Variants in MICU3 observed in about 807,000 individuals in gnomAD.
MICU3 encodes mitochondrial calcium uptake 3, also known as calcium uptake protein 3, mitochondrial.
A neutral mutation model predicts 66.5 loss-of-function variants in MICU3; 62 were observed. The observed-to-expected ratio is 0.93, with a 90% CI of 0.76 to 1.15. The LOEUF (loss-of-function observed/expected upper bound fraction) is 1.15. Ranked by LOEUF, MICU3 falls within the 50% of genes most tolerant of loss-of-function variation. The pLI, the probability that MICU3 is intolerant of heterozygous loss-of-function variation, is 0.00. For missense variants in MICU3, 779 were observed against 664.4 expected (o/e 1.17, Z -1.90); for synonymous variants, 308 against 240.7 (o/e 1.28, Z -2.59).
intron 1 of MICU3, among the ~76,000 whole-genome samples, chr8:17,033,996 G>A (rs543400497): frequency 1.4e-4 from 22 of 152,158 alleles, no homozygotes; most frequent in African/African-American, 4.3e-4. Flanking sequence ...AAAGGCTGCC[G>A]TCTAGGACTT....
intron 5 of MICU3, 135 bp downstream of exon 5, chr8:17,081,875 A>G (rs753070929): frequency 3.5e-6 from 2 of 568,506 alleles, no homozygotes; most frequent in South Asian, 3.4e-5. Context: ...TTAATGCTAC[A>G]GAAAAATGCT....
chr8:17,128,037 T>C, the MICU3 span, among the ~76,000 whole-genome samples: 4 of 152,006 alleles, frequency 2.6e-5, no homozygotes, highest in East Asian at 7.7e-4. Context: ...AGTTCACAGA[T>C]GGTTGGAACT....
chr8:17,105,390 T>C lies in MICU3; in HGVS notation c.1086-23T>C, dbSNP rs751309665. ...ATTACTCTTTCTTTATCTTTTTCCT[T>C]CTTTATTACATTTTTGTCATAGATT... On this transcript the variant is annotated intron_variant, in intron 10 of 14. Coordinates refer to ENST00000318063, the MANE Select transcript of MICU3 (RefSeq NM_181723.3). The C allele has an allele frequency of 2.8e-6, 4 of 1,409,622 alleles. No homozygotes were observed. The African/African-American group carries it at 4.4e-5, about 16-fold the overall frequency. 87.3% of individuals were successfully genotyped at this position (1,409,622 alleles called of 1,614,324 possible).
Position 17,090,535 on chromosome 8 carries a change from C to G in MICU3, c.850-11C>G, listed in dbSNP as rs758340492. Reference sequence around the variant, plus strand: ...ATGACACTTCATTTGGCCCTTTGTGCTCTATGTCAGCGTCTTCAACTTTAT... The same window carrying G: ...ATGACACTTCATTTGGCCCTTTGTGGTCTATGTCAGCGTCTTCAACTTTAT... On this transcript the variant is annotated splice_polypyrimidine_tract_variant and intron_variant, in intron 7 of 14. Coordinates refer to ENST00000318063, the MANE Select transcript of MICU3 (RefSeq NM_181723.3). 6.2e-7 allele frequency: 1 copy of G among 1,609,830 alleles called. No individual in the cohort carries two copies. The highest frequency in any genetic ancestry group is 1.7e-5 in the Admixed American group (1 of 59,502).
the MICU3 span, among the ~76,000 whole-genome samples, chr8:17,138,061 G>A: frequency 0.66 from 99,752 of 151,732 alleles, 33,440 homozygotes; most frequent in East Asian, 0.93. Context: ...GATTTTCTCA[G>A]AATTATAATG....
intron 1 of MICU3, among the ~76,000 whole-genome samples, chr8:17,055,676 CAG>C (rs1166446156): frequency 6.6e-6 from 1 of 152,196 alleles, no homozygotes; most frequent in African/African-American, 2.4e-5. Context: ...TTGATAATGA[CAG>C]AGTCATCATC....
chr8:17,101,785 AG>A (rs1311091692), intron 9 of MICU3, among the ~76,000 whole-genome samples: 2 of 152,030 alleles, frequency 1.3e-5, no homozygotes, highest in African/African-American at 4.8e-5. Flanking sequence ...ACAGCAAAAA[AG>A]AAGTAAGAGT....
intron 7 of MICU3, among the ~76,000 whole-genome samples, chr8:17,089,388 T>G (rs144160950): frequency 6.6e-6 from 1 of 152,184 alleles, no homozygotes; most frequent in Non-Finnish European, 1.5e-5. Context: ...TTATATTACT[T>G]TAGTTATCAA....
At chr8:17,044,584 A>G (rs570316855) in intron 1 of MICU3, among the ~76,000 whole-genome samples, 4 of 152,346 alleles carry the variant, frequency 2.6e-5, no homozygotes, top group African/African-American at 9.6e-5. Context: ...GATTCACAGT[A>G]CTACATCCTA....
At chr8:17,064,976 G>C (rs571527376) in intron 2 of MICU3, among the ~76,000 whole-genome samples, 1 of 152,188 alleles carries the variant, frequency 6.6e-6, no homozygotes, top group East Asian at 1.9e-4. Flanking sequence ...AGGATTTCTG[G>C]CTGGCTTACC....
intron 5 of MICU3, among the ~76,000 whole-genome samples, chr8:17,084,686 C>T (rs751734136): frequency 2.0e-5 from 3 of 152,058 alleles, no homozygotes; most frequent in African/African-American, 4.8e-5. Context: ...ATGTGAAAGT[C>T]TTTTTCAGAA....
intron 1 of MICU3, among the ~76,000 whole-genome samples, chr8:17,049,877 A>G (rs944381541): frequency 6.6e-6 from 1 of 152,210 alleles, no homozygotes; most frequent in Non-Finnish European, 1.5e-5. Context: ...ATATATTCCT[A>G]TAAGACATGA....
chr8:17,055,616 A>G (rs1268247948), intron 1 of MICU3, among the ~76,000 whole-genome samples: 1 of 152,168 alleles, frequency 6.6e-6, no homozygotes, highest in Non-Finnish European at 1.5e-5. Context: ...CCTGGCCTAT[A>G]AAAGCTTCTC....
At chr8:17,104,316 C>A in intron 9 of MICU3, 75 bp from the exon 10 acceptor site, 2 of 635,114 alleles carry the variant, frequency 3.1e-6, no homozygotes, top group East Asian at 3.0e-5. Context: ...TAACAGAATT[C>A]TTTGAGAAAT....
intron 7 of MICU3, among the ~76,000 whole-genome samples, chr8:17,090,203 C>T (rs1319129388): frequency 2.0e-5 from 3 of 152,068 alleles, no homozygotes; most frequent in African/African-American, 7.2e-5. Flanking sequence ...ATCTGGATTT[C>T]CCCCTATGCC....
chr8:17,047,595 A>G (rs1815307610), intron 1 of MICU3, among the ~76,000 whole-genome samples: 1 of 152,264 alleles, frequency 6.6e-6, no homozygotes, highest in South Asian at 2.1e-4. Context: ...CAGACTTCCT[A>G]CAAAGGGACT....
chr8:17,094,402 A>G (rs189798765), intron 8 of MICU3, among the ~76,000 whole-genome samples: 378 of 152,118 alleles, frequency 2.5e-3, no homozygotes, highest in African/African-American at 8.7e-3. Flanking sequence ...CTGTTTTAAA[A>G]CAATAATTTA....
rs764592456 is a variant in MICU3 at position 17,105,375 on chromosome 8, C to G, written c.1086-38C>G. 4 of 1,288,672 alleles carry G rather than the reference C, an allele frequency of 3.1e-6. No individual in the cohort carries two copies. The South Asian group carries it at 5.5e-5, about 18-fold the overall frequency. The allele number at this position is 1,288,672 out of a possible 1,614,324, so 79.8% of individuals were successfully genotyped here. A position where few individuals can be genotyped will look rare whatever the true frequency, so the allele number is the denominator to read the frequency against. On this transcript the variant is annotated intron_variant, in intron 10 of 14. Transcript: ENST00000318063. ...TCATCTCCTGTTACGATTACTCTTT[C>G]TTTATCTTTTTCCTTCTTTATTACA...
chr8:17,138,368 A>C, the MICU3 span, among the ~76,000 whole-genome samples: 94 of 152,300 alleles, frequency 6.2e-4, 1 homozygote, highest in Non-Finnish European at 1.1e-3. Flanking sequence ...AGAGGTTTAA[A>C]GAACACAGAA....
Sources: allele counts gnomAD v4.1 joint callset (sites outside exome capture counted in the v4.1 genomes callset), GRCh38; gene constraint gnomAD v4.1.1; transcripts MANE v1.5; gene names NCBI Gene and HGNC (gene_info 2026-07-23, HGNC 2026-07-21).